The following NTN1 variants were observed in gnomAD, a reference collection of about 807,000 sequenced individuals.
NTN1 encodes the protein netrin 1.
Under a neutral mutation model 54.2 loss-of-function variants are expected in NTN1, and 11 were observed. The observed-to-expected ratio is 0.20, with a 90% confidence interval of 0.13 to 0.34. NTN1 has a LOEUF of 0.34. Ranked by LOEUF, NTN1 falls within the 10% of genes least tolerant of loss-of-function variation. NTN1 has a pLI of 1.00. For missense variants in NTN1, 740 were observed against 893.1 expected, an observed-to-expected ratio of 0.83 and a Z score of 2.18; for synonymous variants, 371 against 382.0, an observed-to-expected ratio of 0.97 and a Z score of 0.33.
chr17:9,055,681 T>TACC (rs1485307772), intron 2 of NTN1, among the ~76,000 whole-genome samples: 1 of 152,158 alleles, frequency 6.6e-6, no homozygotes, highest in East Asian at 1.9e-4. Context: ...GCAGGATGGA[T>TACC]ACCATCTTGA....
At chr17:9,140,017 T>C (rs563533025) in intron 2 of NTN1, among the ~76,000 whole-genome samples, 16 of 152,048 alleles carry the variant, frequency 1.1e-4, no homozygotes, top group African/African-American at 3.6e-4. Context: ...TCCACTCTTA[T>C]ACTTTCAGTT....
chr17:9,075,706 A>G (rs1163738974), intron 2 of NTN1, among the ~76,000 whole-genome samples: 1 of 152,102 alleles, frequency 6.6e-6, no homozygotes, highest in East Asian at 1.9e-4. Flanking sequence ...CTTCAGTCCT[A>G]TGGCCTCAGA....
In NTN1 at chr17:9,126,227, G is replaced by A. The variant is rs184960074; in HGVS notation, c.1019-36586G>A. On this transcript the variant is annotated intron_variant, in intron 2 of 6. Coordinates refer to ENST00000173229, the MANE Select transcript of NTN1 (RefSeq NM_004822.3). Reference sequence around the variant, plus strand: ...GCTAAGGAAATAAAAAGAGAGATAGGGCTGGGCGTGATGGCTCACGCCTGT... The same window carrying A: ...GCTAAGGAAATAAAAAGAGAGATAGAGCTGGGCGTGATGGCTCACGCCTGT... Among the ~76,000 whole-genome samples, 736 of 152,334 alleles carry A rather than the reference G, an allele frequency of 4.8e-3. 4 individuals carry two copies. The highest frequency in any genetic ancestry group is 0.017 in the African/African-American group (699 of 41,580).
At chr17:9,021,441 G>C (rs569836739), upstream of NTN1, 1 of 151,792 alleles carries the variant, frequency 6.6e-6, no homozygotes, top group Non-Finnish European at 1.5e-5. Flanking sequence ...GCGGCAGCTC[G>C]CGGACGTTAT....
chr17:9,114,098 G>T (rs940035554), intron 2 of NTN1, among the ~76,000 whole-genome samples: 5 of 143,326 alleles, frequency 3.5e-5, no homozygotes, highest in Non-Finnish European at 7.5e-5. Context: ...GGAGGCGGAG[G>T]TTGCAGTGAG....
chr17:9,112,546 A>G (rs550855893), intron 2 of NTN1, among the ~76,000 whole-genome samples: 16 of 152,178 alleles, frequency 1.1e-4, no homozygotes, highest in African/African-American at 3.1e-4. Context: ...GCTGTTTAAA[A>G]TGCACCCCAC....
rs1394998247 is a variant in NTN1, at chr17:9,219,552, T to C, written c.1412-1616T>C. On this transcript the variant is annotated intron_variant, in intron 5 of 6. Coordinates refer to ENST00000173229, the MANE Select transcript of NTN1 (RefSeq NM_004822.3). This position sits in a 1 kb window ranked among gnomAD's most constrained non-coding sequence, Gnocchi z 4.5. ...GGCCCCCAAGGTAGTGGGATAGAGC[T>C]GCATTGATCTTCATTGAGGCACCAG... 6.6e-6 allele frequency among the ~76,000 whole-genome samples: 1 copy of C among 152,204 alleles called. No individual in the cohort carries two copies. The highest frequency in any genetic ancestry group is 6.5e-5 in the Admixed American group (1 of 15,282).
intron 2 of NTN1, among the ~76,000 whole-genome samples, chr17:9,162,512 C>T (rs2092359757): frequency 6.6e-6 from 1 of 152,234 alleles, no homozygotes; most frequent in South Asian, 2.1e-4. Context: ...ATAGGGCCCA[C>T]TCTGAGGGCC....
intron 2 of NTN1, among the ~76,000 whole-genome samples, chr17:9,093,000 C>T (rs1269549451): frequency 2.0e-5 from 3 of 152,164 alleles, no homozygotes; most frequent in Non-Finnish European, 2.9e-5. Flanking sequence ...CCTTGTGATC[C>T]GCCCGCCTCG....
Position 9,023,237 on chromosome 17 carries a change from C to A in NTN1, c.864C>A (p.Asn288Lys). The A allele has an allele frequency of 6.4e-7, 1 of 1,566,808 alleles. No individual in the cohort carries two copies. The change falls in exon 2 of 7, where the codon AAC (asparagine) becomes AAA (lysine). Residue 288 changes from asparagine to lysine, a missense_variant. Transcript: ENST00000173229. ...DLQVGGRCKC[N>K]GHAARCVRDR... is the part of the protein sequence containing the mutation. Reference sequence around the variant, plus strand: ...AGGTGGGCGGCCGGTGCAAGTGCAACGGCCACGCGGCCCGCTGCGTGCGCG... The same window carrying A: ...AGGTGGGCGGCCGGTGCAAGTGCAAAGGCCACGCGGCCCGCTGCGTGCGCG...
At chr17:9,216,846 G>A (rs1202394088) in intron 5 of NTN1, among the ~76,000 whole-genome samples, 1 of 152,174 alleles carries the variant, frequency 6.6e-6, no homozygotes, top group Non-Finnish European at 1.5e-5. Context: ...TTCGAGACCA[G>A]CCTGGCCAAC....
intron 2 of NTN1, among the ~76,000 whole-genome samples, chr17:9,107,606 A>C (rs985867829): frequency 6.6e-6 from 1 of 152,148 alleles, no homozygotes; most frequent in Non-Finnish European, 1.5e-5. Flanking sequence ...CAGGCTGGGG[A>C]CATTCTGGTA....
chr17:9,204,670 C>A (rs900681050), intron 5 of NTN1, among the ~76,000 whole-genome samples: 2 of 152,172 alleles, frequency 1.3e-5, no homozygotes, highest in African/African-American at 2.4e-5. Flanking sequence ...TCGGGGATAG[C>A]AAGGATGCAT....
At chr17:9,215,250 T>C (rs137953853) in intron 5 of NTN1, among the ~76,000 whole-genome samples, 13 of 138,322 alleles carry the variant, frequency 9.4e-5, no homozygotes, top group East Asian at 4.0e-4. Context: ...GCTAGATAGA[T>C]ACACACACAC....
At chr17:9,068,800 G>A (rs1008756025) in intron 2 of NTN1, among the ~76,000 whole-genome samples, 3 of 152,014 alleles carry the variant, frequency 2.0e-5, no homozygotes, top group Non-Finnish European at 4.4e-5. Flanking sequence ...AAGCCACCGC[G>A]CCTGGCCCGA....
chr17:9,078,095 T>TCCAC (rs1274998629), intron 2 of NTN1, among the ~76,000 whole-genome samples: 4 of 149,990 alleles, frequency 2.7e-5, no homozygotes, highest in African/African-American at 7.5e-5. Flanking sequence ...CATCCATCCA[T>TCCAC]CCACCCAGTG....
At chr17:9,143,776 C>T (rs1032006112) in intron 2 of NTN1, among the ~76,000 whole-genome samples, 1 of 152,196 alleles carries the variant, frequency 6.6e-6, no homozygotes, top group Non-Finnish European at 1.5e-5. Context: ...ACTGGGAGGT[C>T]CCTTTGCGAT....
At position 9,221,116 on chromosome 17, in the gene NTN1, C is replaced by A; in HGVS notation, c.1412-52C>A. 1 of 1,292,694 alleles carries A rather than the reference C, an allele frequency of 7.7e-7. No individual in the cohort carries two copies. The highest frequency in any genetic ancestry group is 1.2e-5 in the South Asian group (1 of 84,544). 80.1% of individuals were successfully genotyped at this position (1,292,694 alleles called of 1,614,324 possible). ...CTCCTACTCTGCCCGCCAGCCTATTCATCGCCAGCCTAATTAGTTTTTGTC... is the reference window on the plus strand; with the variant it reads ...CTCCTACTCTGCCCGCCAGCCTATTAATCGCCAGCCTAATTAGTTTTTGTC... On this transcript the variant is annotated intron_variant, in intron 5 of 6. Coordinates refer to ENST00000173229, the MANE Select transcript of NTN1 (RefSeq NM_004822.3). The surrounding 1 kb of genome is among the most constrained non-coding windows in gnomAD (Gnocchi z 4.5).
intron 2 of NTN1, among the ~76,000 whole-genome samples, chr17:9,104,639 G>A (rs1444311755): frequency 2.0e-5 from 3 of 152,166 alleles, no homozygotes; most frequent in African/African-American, 7.2e-5. Flanking sequence ...ACATTTGAGG[G>A]TGCTCGGGCC....
Sources: gnomAD v4.1 joint callset for allele counts (sites outside exome capture counted in the v4.1 genomes callset) on GRCh38, gnomAD v4.1.1 for gene constraint, Gnocchi (gnomAD v3.1) non-coding constraint, MANE v1.5 for transcripts, NCBI Gene and HGNC (gene_info 2026-07-23, HGNC 2026-07-21) for gene names.